Variants in CDH13 observed in about 807,000 individuals in gnomAD.
CDH13 encodes the protein cadherin-13.
Under a neutral mutation model 63.8 loss-of-function variants are expected in CDH13, and 24 were observed. The observed-to-expected ratio is 0.38, with a 90% CI of 0.27 to 0.53. The LOEUF is 0.53. Among genes scored for constraint, CDH13 ranks in the 20% least tolerant of loss-of-function variants. CDH13 has a pLI of 0.85. For synonymous variants in CDH13, 503 were observed against 355.3 expected, an observed-to-expected ratio of 1.42 and a Z score of -4.67; for missense variants, 1,049 against 903.1, an observed-to-expected ratio of 1.16 and a Z score of -2.07.
chr16:82,820,784 G>C (rs1182885455), intron 1 of CDH13, among the ~76,000 whole-genome samples: 3 of 152,184 alleles, frequency 2.0e-5, no homozygotes, highest in African/African-American at 7.2e-5. Flanking sequence ...ATACATTTAT[G>C]TCCTGGATTT....
rs1411739891 is a variant in CDH13 at position 82,790,523 on chromosome 16, T to C, written c.46-67839T>C. 3.3e-5 allele frequency among the ~76,000 whole-genome samples: 5 copies of C among 152,124 alleles called. No individual in the cohort carries two copies. The South Asian group carries it at 6.2e-4, about 19-fold the overall frequency. On this transcript the variant is annotated intron_variant, in intron 1 of 13. Transcript: ENST00000567109. Reference sequence around the variant, plus strand: ...GGGCTTCAAGGCATATTAATAGACATACAAAAAAATTATTTGGTCAAGTGA... The same window carrying C: ...GGGCTTCAAGGCATATTAATAGACACACAAAAAAATTATTTGGTCAAGTGA...
chr16:83,736,828 G>C (rs1342635048), intron 10 of CDH13, among the ~76,000 whole-genome samples: 1 of 152,218 alleles, frequency 6.6e-6, no homozygotes, highest in Non-Finnish European at 1.5e-5. Flanking sequence ...TTCTAACAAA[G>C]AATTAATGGC....
chr16:83,161,734 G>C (rs1220675903), intron 4 of CDH13, among the ~76,000 whole-genome samples: 1 of 151,908 alleles, frequency 6.6e-6, no homozygotes, highest in African/African-American at 2.4e-5. Context: ...TTACCCATCC[G>C]TCTCTGTCAC....
intron 7 of CDH13, among the ~76,000 whole-genome samples, chr16:83,579,767 C>G (rs1039961899): frequency 5.3e-5 from 8 of 151,936 alleles, no homozygotes; most frequent in Non-Finnish European, 7.4e-5. Context: ...ACACAGGAAG[C>G]CAAATGTGCC....
At chr16:82,640,026 T>C (rs983378248) in intron 1 of CDH13, among the ~76,000 whole-genome samples, 3 of 152,232 alleles carry the variant, frequency 2.0e-5, no homozygotes, top group Admixed American at 6.5e-5. Context: ...GCAGCAGTGA[T>C]TAAGAAAGAC....
intron 2 of CDH13, among the ~76,000 whole-genome samples, chr16:82,990,927 G>C (rs1911582264): frequency 6.6e-6 from 1 of 152,160 alleles, no homozygotes; most frequent in Non-Finnish European, 1.5e-5. Flanking sequence ...AAGGGCTTTA[G>C]TTTCATGTGC....
chr16:83,135,213 G>C (rs759511170), intron 4 of CDH13, among the ~76,000 whole-genome samples: 11 of 152,198 alleles, frequency 7.2e-5, no homozygotes, highest in Non-Finnish European at 1.5e-4. Flanking sequence ...AGATGAGAAA[G>C]TGGAAATTAA....
At chr16:82,758,824 G>A (rs1336771948) in intron 1 of CDH13, among the ~76,000 whole-genome samples, 1 of 152,226 alleles carries the variant, frequency 6.6e-6, no homozygotes, top group Non-Finnish European at 1.5e-5. Context: ...GCAGCCTGGT[G>A]TGTAACCATT....
At chr16:82,993,954 C>T (rs1911928285) in intron 2 of CDH13, among the ~76,000 whole-genome samples, 1 of 152,186 alleles carries the variant, frequency 6.6e-6, no homozygotes, top group Non-Finnish European at 1.5e-5. Flanking sequence ...TTACCCCTCC[C>T]TGCAAGATCC....
At chr16:83,240,227 A>G (rs1367945517) in intron 5 of CDH13, among the ~76,000 whole-genome samples, 1 of 152,112 alleles carries the variant, frequency 6.6e-6, no homozygotes, top group Non-Finnish European at 1.5e-5. Flanking sequence ...GTAGGTGCAA[A>G]GATCCGGAGG....
At chr16:83,223,517 G>C (rs1163167708) in intron 5 of CDH13, among the ~76,000 whole-genome samples, 1 of 152,196 alleles carries the variant, frequency 6.6e-6, no homozygotes, top group African/African-American at 2.4e-5. Context: ...GGTCGCTGCT[G>C]GCTCTTCCTG....
Position 83,668,650 on chromosome 16 carries a change from C to T in CDH13, c.1102-2140C>T, listed in dbSNP as rs138730582. 6.6e-5 allele frequency among the ~76,000 whole-genome samples: 10 copies of T among 152,292 alleles called. 1 individual carries two copies. In the Middle Eastern group the frequency reaches 0.014, roughly 207 times the overall value. On this transcript the variant is annotated intron_variant, in intron 8 of 13. Coordinates refer to ENST00000567109, the MANE Select transcript of CDH13 (RefSeq NM_001257.5). ...AGGGTGAAGGAAGGACTGGCCTAAG[C>T]CATGGGGATCTAAGGTGGGCAGGAG...
At chr16:83,436,885 C>T (rs2151490362) in intron 6 of CDH13, among the ~76,000 whole-genome samples, 1 of 152,270 alleles carries the variant, frequency 6.6e-6, no homozygotes, top group South Asian at 2.1e-4. Flanking sequence ...TATGGATAAA[C>T]AGGCCTAAAA....
chr16:83,193,493 G>A (rs931104313), intron 4 of CDH13, among the ~76,000 whole-genome samples: 2 of 152,176 alleles, frequency 1.3e-5, no homozygotes, highest in Non-Finnish European at 2.9e-5. Flanking sequence ...TTTCAGAGCA[G>A]AACCTAGGTT....
rs998912596 is a variant in CDH13 at position 82,746,692 on chromosome 16, A to G, written c.46-111670A>G. Among the ~76,000 whole-genome samples the G allele has an allele frequency of 2.6e-5, 4 of 152,220 alleles. No homozygotes were observed. In the South Asian group the frequency reaches 8.3e-4, roughly 32 times the overall value. ...TTACTTAAGCATACATATATATACA[A>G]TTTCATTTTCCTAAGACCTAGAAAA... On this transcript the variant is annotated intron_variant, in intron 1 of 13. Transcript: ENST00000567109.
chr16:83,131,358 T>C (rs1326588451), intron 4 of CDH13, among the ~76,000 whole-genome samples: 9 of 152,176 alleles, frequency 5.9e-5, no homozygotes, highest in African/African-American at 1.4e-4. Context: ...GTCGTGAACA[T>C]ACTTGCTCAT....
chr16:83,142,479 C>T (rs1039624909), intron 4 of CDH13, among the ~76,000 whole-genome samples: 2 of 152,142 alleles, frequency 1.3e-5, no homozygotes, highest in Non-Finnish European at 2.9e-5. Context: ...CTTCATCCAG[C>T]TGCCTCCTAC....
At chr16:83,535,485 G>C (rs1435484160) in intron 7 of CDH13, among the ~76,000 whole-genome samples, 1 of 152,190 alleles carries the variant, frequency 6.6e-6, no homozygotes. Flanking sequence ...AAAGGTTAGT[G>C]TGTGACCGTG....
chr16:82,868,163 G>C (rs1173881786), intron 2 of CDH13, among the ~76,000 whole-genome samples: 1 of 152,310 alleles, frequency 6.6e-6, no homozygotes, highest in African/African-American at 2.4e-5. Flanking sequence ...GTTTTAATCT[G>C]TTGCGATGTG....
Sources: allele counts gnomAD v4.1 joint callset (sites outside exome capture counted in the v4.1 genomes callset), GRCh38; gene constraint gnomAD v4.1.1; transcripts MANE v1.5; gene names NCBI Gene and HGNC (gene_info 2026-07-23, HGNC 2026-07-21).